C12orf50: variants seen among roughly 807,000 people sequenced by gnomAD.
The protein encoded by C12orf50 is zinc finger CCCH-type containing 11D.
Under a neutral mutation model 61.6 loss-of-function variants are expected in C12orf50, and 35 were observed. The ratio of observed to expected loss-of-function variants is 0.57; its 90% CI spans 0.43 to 0.75. C12orf50 has a LOEUF of 0.75. C12orf50 is among the 30% of genes least tolerant of loss of function. The pLI is 0.00. For missense variants in C12orf50, 475 were observed against 488.5 expected (o/e 0.97, Z 0.26); for synonymous variants, 178 against 161.5 (o/e 1.10, Z -0.77).
chr12:87,980,059 T>G lies in C12orf50; in HGVS notation c.*272A>C. 1 of 400,892 alleles carries G rather than the reference T, an allele frequency of 2.5e-6. No individual in the cohort carries two copies. Among genetic ancestry groups the G allele is most frequent in the South Asian group, 7.0e-5 (1 of 14,276 alleles). 24.8% of individuals were successfully genotyped at this position (400,892 alleles called of 1,614,324 possible). On this transcript the variant is annotated 3_prime_UTR_variant, in exon 13 of 13. Coordinates refer to ENST00000298699, the MANE Select transcript of C12orf50 (RefSeq NM_152589.3). Reference sequence around the variant, plus strand: ...ATTTTAATTGTCAAACTTTTAAATTTTATTAAAATGTTTGGAGTAATGCAC... The same window carrying G: ...ATTTTAATTGTCAAACTTTTAAATTGTATTAAAATGTTTGGAGTAATGCAC...
chr12:87,986,126 G>T (rs2136404497), intron 10 of C12orf50, 73 bp from the exon 11 acceptor site: 1 of 1,485,192 alleles, frequency 6.7e-7, no homozygotes, highest in East Asian at 2.3e-5. Context: ...ATATTGCACT[G>T]CAAATACTTC....
intron 3 of C12orf50, among the ~76,000 whole-genome samples, chr12:88,001,555 A>G (rs12305283): frequency 0.17 from 25,498 of 149,290 alleles, 3,659 homozygotes; most frequent in African/African-American, 0.4. Context: ...GGAAGAATTT[A>G]TGACAAATTA....
chr12:88,012,712 A>C (rs1251559327), intron 3 of C12orf50, among the ~76,000 whole-genome samples: 1 of 152,184 alleles, frequency 6.6e-6, no homozygotes, highest in African/African-American at 2.4e-5. Flanking sequence ...AAATAAATGA[A>C]CAAATCCCCA....
At position 87,996,627 on chromosome 12, in the gene C12orf50, T is replaced by C; in HGVS notation, c.309A>G (p.Thr103=). ...DEQNDASSLW[T]KTPEEIEEKR... Reference sequence around the variant, plus strand: ...TTTCTTCAATTTCTTCAGGGGTCTTTGTCCATAAACTAGAAGCATCTATAG... The same window carrying C: ...TTTCTTCAATTTCTTCAGGGGTCTTCGTCCATAAACTAGAAGCATCTATAG... The change falls in exon 5 of 13, where the codon ACA becomes ACG. Residue 103 remains threonine, a synonymous_variant. Transcript: ENST00000298699. 2 of 1,608,622 alleles carry C rather than the reference T, an allele frequency of 1.2e-6. No individual in the cohort carries two copies. The highest frequency in any genetic ancestry group is 1.7e-6 in the Non-Finnish European group (2 of 1,175,660).
intron 3 of C12orf50, among the ~76,000 whole-genome samples, chr12:88,011,985 T>C (rs1396092445): frequency 1.3e-5 from 2 of 152,236 alleles, no homozygotes; most frequent in East Asian, 3.8e-4. Context: ...GTCACATTTA[T>C]AGTTTGAAAT....
intron 7 of C12orf50, among the ~76,000 whole-genome samples, chr12:87,992,956 A>G (rs1207463118): frequency 6.6e-6 from 1 of 152,120 alleles, no homozygotes; most frequent in African/African-American, 2.4e-5. Flanking sequence ...CAGGAGCCTA[A>G]ATATGTTTAG....
chr12:88,028,210 T>C (rs573520725), intron 1 of C12orf50, among the ~76,000 whole-genome samples: 4 of 152,314 alleles, frequency 2.6e-5, no homozygotes, highest in East Asian at 1.9e-4. Context: ...AGCAGTGAAA[T>C]AGACAAAACA....
At chr12:88,022,179 G>C (rs1331625763) in intron 3 of C12orf50, among the ~76,000 whole-genome samples, 1 of 151,586 alleles carries the variant, frequency 6.6e-6, no homozygotes, top group East Asian at 1.9e-4. Context: ...GGGATGCAAG[G>C]TTGGTTCAAC....
intron 3 of C12orf50, among the ~76,000 whole-genome samples, chr12:88,011,311 C>G (rs1221380482): frequency 6.6e-6 from 1 of 152,082 alleles, no homozygotes; most frequent in East Asian, 1.9e-4. Context: ...GCTTGAACAA[C>G]TATTAGGGAT....
chr12:88,000,739 A>G (rs1476471174), intron 3 of C12orf50, among the ~76,000 whole-genome samples: 1 of 151,574 alleles, frequency 6.6e-6, no homozygotes, highest in East Asian at 1.9e-4. Context: ...TCGAATATAA[A>G]CTTTGCACAT....
intron 7 of C12orf50, among the ~76,000 whole-genome samples, chr12:87,990,009 C>T (rs1483497809): frequency 6.6e-6 from 1 of 152,076 alleles, no homozygotes; most frequent in Non-Finnish European, 1.5e-5. Context: ...CTCTAATAAT[C>T]CAATGTGACT....
chr12:88,008,982 C>T (rs974261481), intron 3 of C12orf50, among the ~76,000 whole-genome samples: 38 of 152,160 alleles, frequency 2.5e-4, no homozygotes, highest in African/African-American at 8.9e-4. Context: ...TCACCTGTTT[C>T]TCCTATTTTC....
chr12:88,009,806 G>A (rs185817592), intron 3 of C12orf50, among the ~76,000 whole-genome samples: 2 of 152,150 alleles, frequency 1.3e-5, no homozygotes, highest in African/African-American at 4.8e-5. Flanking sequence ...ATCTTATTTG[G>A]TGGTTTATCT....
At chr12:88,018,871 C>T (rs115301823) in intron 3 of C12orf50, among the ~76,000 whole-genome samples, 4,211 of 152,294 alleles carry the variant, frequency 0.028, 200 homozygotes, top group African/African-American at 0.095. Flanking sequence ...GCTGTACCTA[C>T]CCAATGCCTG....
intron 3 of C12orf50, among the ~76,000 whole-genome samples, 200 bp downstream of exon 3, chr12:88,026,288 T>C (rs2032704213): frequency 2.0e-5 from 3 of 152,206 alleles, no homozygotes; most frequent in African/African-American, 7.2e-5. Context: ...AACTTGCTCT[T>C]TGTTCATTTC....
intron 4 of C12orf50, among the ~76,000 whole-genome samples, chr12:87,997,460 C>T (rs1394695780): frequency 2.0e-5 from 3 of 151,932 alleles, no homozygotes; most frequent in African/African-American, 2.4e-5. Flanking sequence ...ATGTACAGAA[C>T]GTGCAGGTTT....
intron 3 of C12orf50, among the ~76,000 whole-genome samples, chr12:88,000,940 A>G (rs2136440599): frequency 6.6e-6 from 1 of 151,974 alleles, no homozygotes; most frequent in Non-Finnish European, 1.5e-5. Context: ...AATTTTCTAA[A>G]TAAAAGATCA....
In C12orf50 at chr12:87,985,861, T is replaced by A. The variant is rs199859598; in HGVS notation, c.1115A>T (p.Asn372Ile). 1 of 1,612,536 alleles carries A rather than the reference T, an allele frequency of 6.2e-7. No individual in the cohort carries two copies. The highest frequency in any genetic ancestry group is 8.5e-7 in the Non-Finnish European group (1 of 1,179,756). The part of the protein sequence containing the change: ...KVHANREPKP[N>I]LSPDKYTSTS... The stretch of plus-strand genomic sequence containing the variant: ...ACAAAGGACCTCACCTGGACTGAGG[T>A]TGGGTTTGGGTTCCCTGTTAGCATG... The change falls in exon 11 of 13, where the codon AAC (asparagine) becomes ATC (isoleucine). Residue 372 changes from asparagine (N) to isoleucine (I), a missense_variant. Asn to Ile is a moderately radical substitution (Grantham distance 149). Transcript: ENST00000298699.
At chr12:88,000,619 G>A (rs927767575) in intron 3 of C12orf50, among the ~76,000 whole-genome samples, 1 of 151,716 alleles carries the variant, frequency 6.6e-6, no homozygotes, top group Admixed American at 6.6e-5. Context: ...TTAAACCTGT[G>A]GATCAATTTG....
Sources: allele counts gnomAD v4.1 joint callset (sites outside exome capture counted in the v4.1 genomes callset), GRCh38; gene constraint gnomAD v4.1.1; transcripts MANE v1.5; gene names NCBI Gene and HGNC (gene_info 2026-07-23, HGNC 2026-07-21).